Variants in FGF12 observed in about 807,000 individuals in gnomAD.
The protein encoded by FGF12 is fibroblast growth factor 12, also known as fibroblast growth factor 12B.
In FGF12, 14 loss-of-function variants were observed where a neutral mutation model predicts 23.6. The observed-to-expected ratio is 0.59, with a 90% confidence interval of 0.39 to 0.93. FGF12 has a LOEUF of 0.93. FGF12 is among the 40% of genes least tolerant of loss of function. FGF12 has a pLI of 0.00. For synonymous variants in FGF12, 62 were observed against 77.3 expected, an observed-to-expected ratio of 0.80 and a Z score of 1.04; for missense variants, 175 against 217.8, an observed-to-expected ratio of 0.80 and a Z score of 1.24.
At chr3:192,200,791 A>T (rs992648771) in intron 4 of FGF12, among the ~76,000 whole-genome samples, 2 of 152,212 alleles carry the variant, frequency 1.3e-5, no homozygotes, top group Non-Finnish European at 2.9e-5. Flanking sequence ...TTCTCTAGCA[A>T]GGCCTATGCT....
intron 2 of FGF12, among the ~76,000 whole-genome samples, chr3:192,631,881 G>A (rs896518148): frequency 1.3e-5 from 2 of 152,198 alleles, no homozygotes; most frequent in African/African-American, 4.8e-5. Context: ...CATGCTAGTG[G>A]GGGAAGCTCA....
At chr3:192,150,674 T>C (rs1056940210) in intron 5 of FGF12, among the ~76,000 whole-genome samples, 6 of 150,122 alleles carry the variant, frequency 4.0e-5, no homozygotes, top group African/African-American at 1.5e-4. Context: ...CATTGATCTA[T>C]ATCTCTGTTT....
chr3:192,197,585 C>A (rs114422340), intron 4 of FGF12, among the ~76,000 whole-genome samples: 2 of 152,068 alleles, frequency 1.3e-5, no homozygotes, highest in African/African-American at 4.8e-5. Flanking sequence ...ATCCAAGGGG[C>A]CTCTACAGTG....
intron 4 of FGF12, among the ~76,000 whole-genome samples, chr3:192,325,969 G>A (rs1033849489): frequency 6.6e-6 from 1 of 152,100 alleles, no homozygotes; most frequent in African/African-American, 2.4e-5. Context: ...AGTGTGTAGG[G>A]TCATACTCAG....
intron 2 of FGF12, among the ~76,000 whole-genome samples, chr3:192,530,692 T>C (rs1226430055): frequency 1.3e-5 from 2 of 152,166 alleles, no homozygotes; most frequent in Non-Finnish European, 2.9e-5. Flanking sequence ...GGCATGGAGT[T>C]TTTTTCTGAG....
chr3:192,651,513 G>C (rs540357182), intron 2 of FGF12, among the ~76,000 whole-genome samples: 2 of 152,036 alleles, frequency 1.3e-5, no homozygotes, highest in South Asian at 4.1e-4. Flanking sequence ...CCTCGCCTTT[G>C]AAGACAAAAA....
At chr3:192,657,324 A>G (rs148806397) in intron 2 of FGF12, among the ~76,000 whole-genome samples, 3 of 152,036 alleles carry the variant, frequency 2.0e-5, no homozygotes, top group East Asian at 3.9e-4. Flanking sequence ...GATAGTCCCA[A>G]TGCTTTTAGA....
At chr3:192,218,899 A>G (rs1270671041) in intron 4 of FGF12, among the ~76,000 whole-genome samples, 2 of 152,222 alleles carry the variant, frequency 1.3e-5, no homozygotes, top group African/African-American at 2.4e-5. Flanking sequence ...CTCTATGACC[A>G]CAACACAAAT....
At chr3:192,249,492 G>C (rs144250014) in intron 4 of FGF12, among the ~76,000 whole-genome samples, 49 of 152,170 alleles carry the variant, frequency 3.2e-4, no homozygotes, top group African/African-American at 1.1e-3. Flanking sequence ...GTAGGGTCTT[G>C]AATGCTACCT....
intron 4 of FGF12, among the ~76,000 whole-genome samples, chr3:192,307,304 T>A (rs113377269): frequency 6.6e-6 from 1 of 152,106 alleles, no homozygotes; most frequent in East Asian, 1.9e-4. Context: ...TGATGCCAGA[T>A]AAAAAAGGCA....
intron 2 of FGF12, among the ~76,000 whole-genome samples, chr3:192,439,295 T>A (rs1056649103): frequency 1.3e-5 from 2 of 152,218 alleles, no homozygotes; most frequent in East Asian, 3.9e-4. Flanking sequence ...TTTTAGAGCA[T>A]CTACTGGTAA....
intron 2 of FGF12, among the ~76,000 whole-genome samples, chr3:192,540,246 G>A (rs1725331580): frequency 6.6e-6 from 1 of 151,818 alleles, no homozygotes; most frequent in African/African-American, 2.4e-5. Context: ...TTTATTTGAA[G>A]TTTCTCTAAT....
chr3:192,434,865 A>G (rs2108792588), intron 2 of FGF12, among the ~76,000 whole-genome samples: 1 of 152,132 alleles, frequency 6.6e-6, no homozygotes, highest in Non-Finnish European at 1.5e-5. Context: ...CTAACTCATG[A>G]TGGCTTCTCT....
chr3:192,617,624 C>T (rs554789793), intron 2 of FGF12, among the ~76,000 whole-genome samples: 1 of 152,214 alleles, frequency 6.6e-6, no homozygotes, highest in East Asian at 1.9e-4. Context: ...ATACAACCAA[C>T]CTGAGGCTCT....
chr3:192,727,253 C>T lies in FGF12; in HGVS notation c.-60G>A. On this transcript the variant is annotated 5_prime_UTR_variant, in exon 2 of 6. Transcript: ENST00000445105. The stretch of plus-strand genomic sequence containing the variant: ...AAGTTGGCCGGAAGATGTGGGCCCG[C>T]TTCAGATTCCCAAATCTGGGAAGCC... The T allele has an allele frequency of 6.4e-7, 1 of 1,559,438 alleles. No individual in the cohort carries two copies. Among genetic ancestry groups the T allele is most frequent in the Non-Finnish European group, 8.7e-7 (1 of 1,151,526 alleles).
chr3:192,418,547 G>T (rs1183047449), intron 2 of FGF12, among the ~76,000 whole-genome samples: 3 of 152,118 alleles, frequency 2.0e-5, no homozygotes, highest in African/African-American at 7.2e-5. Context: ...AAGGGACATT[G>T]ATCTGGTTTG....
intron 5 of FGF12, among the ~76,000 whole-genome samples, chr3:192,159,943 A>AGTGTGT (rs10575323): frequency 1.8e-3 from 271 of 149,316 alleles, no homozygotes; most frequent in East Asian, 5.1e-3. Context: ...ATATTTAAGT[A>AGTGTGT]GTGTGTGTGT....
chr3:192,545,301 C>G (rs1025102175), intron 2 of FGF12, among the ~76,000 whole-genome samples: 6 of 152,170 alleles, frequency 3.9e-5, no homozygotes, highest in Non-Finnish European at 8.8e-5. Flanking sequence ...AACATATTTT[C>G]CCTGGCACTG....
intron 2 of FGF12, among the ~76,000 whole-genome samples, chr3:192,421,766 C>T (rs971949249): frequency 6.6e-6 from 1 of 151,846 alleles, no homozygotes; most frequent in Admixed American, 6.6e-5. Context: ...ATGTGTATAC[C>T]TATGTAACAA....
Sources: allele counts gnomAD v4.1 joint callset (sites outside exome capture counted in the v4.1 genomes callset), GRCh38; gene constraint gnomAD v4.1.1; transcripts MANE v1.5; gene names NCBI Gene and HGNC (gene_info 2026-07-23, HGNC 2026-07-21).